Variants in HCRTR2 observed in about 807,000 individuals in gnomAD.
HCRTR2 encodes hypocretin receptor 2, also known as orexin receptor type 2.
A neutral mutation model predicts 49.0 loss-of-function variants in HCRTR2; 22 were observed. The observed-to-expected ratio is 0.45, with a 90% confidence interval of 0.32 to 0.64. The LOEUF (loss-of-function observed/expected upper bound fraction) is 0.64, where lower values mean the gene tolerates loss of function less well. Ranked by LOEUF, HCRTR2 falls within the 30% of genes least tolerant of loss-of-function variation. The pLI, the probability that HCRTR2 is intolerant of heterozygous loss-of-function variation, is 0.04. For synonymous variants in HCRTR2, 236 were observed against 205.3 expected, an observed-to-expected ratio of 1.15 and a Z score of -1.28; for missense variants, 491 against 559.4, an observed-to-expected ratio of 0.88 and a Z score of 1.23.
chr6:55,278,727 A>T (rs145649204), intron 5 of HCRTR2, among the ~76,000 whole-genome samples: 246 of 144,678 alleles, frequency 1.7e-3, no homozygotes, highest in Middle Eastern at 0.014. Context: ...GCTTCTTATT[A>T]ATTATTATTA....
chr6:55,241,088 G>C (rs897435104), intron 1 of HCRTR2, among the ~76,000 whole-genome samples: 1 of 150,396 alleles, frequency 6.6e-6, no homozygotes, highest in African/African-American at 2.4e-5. Flanking sequence ...TCGTCATTTA[G>C]CATTATGTAT....
intron 1 of HCRTR2, among the ~76,000 whole-genome samples, chr6:55,119,244 A>G (rs150342948): frequency 0.037 from 5,612 of 152,138 alleles, 343 homozygotes; most frequent in African/African-American, 0.13. Context: ...GCCACAATAA[A>G]CATACGTGTG....
rs200340125 is a variant in HCRTR2 at position 55,248,754 on chromosome 6, C to T, written c.339C>T (p.Val113=). ...VTITCLPATL[V]VDITETWFFG... ...TCACCTGCCTTCCAGCCACACTGGTCGTGGATATCACTGAGACCTGGTTTT... is the reference window on the plus strand; with the variant it reads ...TCACCTGCCTTCCAGCCACACTGGTTGTGGATATCACTGAGACCTGGTTTT... Residue 113 remains valine, a synonymous_variant, in exon 2 of 7, where the codon GTC becomes GTT. Transcript: ENST00000370862. The T allele has an allele frequency of 4.7e-5, 76 of 1,613,424 alleles. 1 individual carries two copies. In the South Asian group the frequency reaches 7.7e-4, roughly 16 times the overall value.
In HCRTR2 at chr6:55,277,470, C is replaced by A. The variant is rs151132860; in HGVS notation, c.853C>A (p.Arg285=). The A allele has an allele frequency of 1.2e-6, 2 of 1,614,054 alleles. No homozygotes were observed. Among genetic ancestry groups the A allele is most frequent in the African/African-American group, 1.3e-5 (1 of 75,050 alleles). ...AGGGCCAGGACAGCCAACGAAGTCC[C>A]GGATGAGCGCTGTGGCGGCTGAAAT... ...PRGPGQPTKS[R]MSAVAAEIKQ... is the part of the protein sequence containing the mutation. Residue 285 remains arginine (R), a synonymous_variant, in exon 5 of 7, where the codon CGG becomes AGG. Coordinates refer to ENST00000370862, the MANE Select transcript of HCRTR2 (RefSeq NM_001384272.1).
chr6:55,165,860 C>G (rs1764871089), intron 1 of HCRTR2, among the ~76,000 whole-genome samples: 1 of 144,124 alleles, frequency 6.9e-6, no homozygotes, highest in Admixed American at 7.1e-5. Context: ...GCTATTAGTT[C>G]TCCAAAGTAC....
rs918044970 is a variant in HCRTR2, at chr6:55,197,546, C to T, written c.223+22736C>T. 4.6e-5 allele frequency among the ~76,000 whole-genome samples: 7 copies of T among 152,128 alleles called. 1 individual carries two copies. The highest frequency in any genetic ancestry group is 1.7e-4 in the African/African-American group (7 of 41,422). ...ACCTCTAACCCAAAACCAAAACTAA[C>T]CTCAGACCTAACTCTACATCTAATT... On this transcript the variant is annotated intron_variant, in intron 1 of 6. Transcript: ENST00000370862.
intron 1 of HCRTR2, among the ~76,000 whole-genome samples, chr6:55,137,862 T>G (rs1304032859): frequency 6.6e-6 from 1 of 152,228 alleles, no homozygotes; most frequent in African/African-American, 2.4e-5. Context: ...TGGAAATGTT[T>G]GAGGTTTATA....
intron 1 of HCRTR2, among the ~76,000 whole-genome samples, chr6:55,166,161 C>T (rs1399333732): frequency 6.6e-6 from 1 of 152,014 alleles, no homozygotes; most frequent in Non-Finnish European, 1.5e-5. Context: ...ATCCTTCCAC[C>T]CCTGGGATAA....
At chr6:55,160,877 A>T (rs1764795784) in intron 1 of HCRTR2, among the ~76,000 whole-genome samples, 1 of 152,172 alleles carries the variant, frequency 6.6e-6, no homozygotes, top group Admixed American at 6.5e-5. Context: ...CCCACGTAAT[A>T]ATAGTGGGAG....
intron 1 of HCRTR2, among the ~76,000 whole-genome samples, chr6:55,106,866 A>G (rs549603122): frequency 3.3e-5 from 5 of 151,808 alleles, no homozygotes; most frequent in Non-Finnish European, 5.9e-5. Context: ...TGCTCATATC[A>G]CTCATGTAGG....
intron 1 of HCRTR2, among the ~76,000 whole-genome samples, chr6:55,229,943 T>C (rs1247221874): frequency 2.0e-5 from 3 of 152,128 alleles, no homozygotes; most frequent in Non-Finnish European, 4.4e-5. Flanking sequence ...TACAGCAGGC[T>C]TTACACACAC....
chr6:55,275,758 G>T (rs974744077), intron 4 of HCRTR2, among the ~76,000 whole-genome samples: 1 of 151,946 alleles, frequency 6.6e-6, no homozygotes, highest in South Asian at 2.1e-4. Context: ...TTACAGGCAT[G>T]TGCCACCACG....
intron 1 of HCRTR2, among the ~76,000 whole-genome samples, chr6:55,153,156 C>G (rs1449315374): frequency 6.6e-6 from 1 of 151,974 alleles, no homozygotes; most frequent in Admixed American, 6.6e-5. Flanking sequence ...CAGCAAAGAA[C>G]AGTTGTCTGT....
Position 55,277,425 on chromosome 6 carries a change from C to T in HCRTR2, c.808C>T (p.Gln270Ter). 1 of 1,614,100 alleles carries T rather than the reference C, an allele frequency of 6.2e-7. No individual in the cohort carries two copies. The highest frequency in any genetic ancestry group is 8.5e-7 in the Non-Finnish European group (1 of 1,179,986). ...AGTTCAGAGAAAATGGAAGCCCCTGCAGCCTGTTTCACAGCCTCGAGGGCC... is the reference window on the plus strand; with the variant it reads ...AGTTCAGAGAAAATGGAAGCCCCTGTAGCCTGTTTCACAGCCTCGAGGGCC... The part of the protein sequence containing the change: ...SVVQRKWKPL[Q>*]PVSQPRGPGQ... Residue 270 changes from glutamine (Q) to a stop codon, truncating the protein, a stop_gained, in exon 5 of 7, where the codon CAG becomes TAG. Coordinates refer to ENST00000370862, the MANE Select transcript of HCRTR2 (RefSeq NM_001384272.1). LOFTEE classifies it high-confidence loss of function.
At chr6:55,222,600 A>T (rs1765919995) in intron 1 of HCRTR2, among the ~76,000 whole-genome samples, 1 of 152,228 alleles carries the variant, frequency 6.6e-6, no homozygotes, top group Admixed American at 6.5e-5. Context: ...ATTATTCAGC[A>T]TTACAAAAGA....
chr6:55,145,134 T>A (rs902112400), intron 1 of HCRTR2, among the ~76,000 whole-genome samples: 3 of 138,120 alleles, frequency 2.2e-5, no homozygotes, highest in African/African-American at 1.1e-4. Flanking sequence ...GCTCCCTCCT[T>A]CTCATTCCTT....
intron 1 of HCRTR2, among the ~76,000 whole-genome samples, chr6:55,245,292 A>G (rs1766410429): frequency 6.7e-6 from 1 of 150,240 alleles, no homozygotes; most frequent in Admixed American, 6.7e-5. Flanking sequence ...CTTTATAAAT[A>G]TCTTTTTTTC....
intron 1 of HCRTR2, among the ~76,000 whole-genome samples, chr6:55,192,035 T>G (rs1242217003): frequency 6.6e-6 from 1 of 152,136 alleles, no homozygotes; most frequent in Non-Finnish European, 1.5e-5. Context: ...AATTCAGACT[T>G]AAAATATAAA....
intron 1 of HCRTR2, among the ~76,000 whole-genome samples, chr6:55,149,104 T>C (rs1392796243): frequency 1.3e-5 from 2 of 152,068 alleles, no homozygotes; most frequent in Non-Finnish European, 2.9e-5. Context: ...TATAAAAAAG[T>C]AAGCTTTCCC....
Sources: allele counts gnomAD v4.1 joint callset (sites outside exome capture counted in the v4.1 genomes callset), GRCh38; gene constraint gnomAD v4.1.1; transcripts MANE v1.5; gene names NCBI Gene and HGNC (gene_info 2026-07-23, HGNC 2026-07-21).